The following TMTC2 variants were observed in gnomAD, a reference collection of about 807,000 sequenced individuals.
TMTC2 encodes protein O-mannosyl-transferase TMTC2.
Under a neutral mutation model 82.4 loss-of-function variants are expected in TMTC2, and 43 were observed. The ratio of observed to expected loss-of-function variants is 0.52; its 90% CI spans 0.41 to 0.67. The LOEUF is 0.67. Among genes scored for constraint, TMTC2 ranks in the 30% least tolerant of loss-of-function variants. TMTC2 has a pLI of 0.00. For synonymous variants in TMTC2, 408 were observed against 381.9 expected (o/e 1.07, Z -0.80); for missense variants, 919 against 1,012.4 (o/e 0.91, Z 1.25).
intron 1 of TMTC2, among the ~76,000 whole-genome samples, chr12:82,769,711 T>G (rs907314844): frequency 3.3e-5 from 5 of 152,080 alleles, no homozygotes; most frequent in African/African-American, 1.2e-4. Flanking sequence ...CCCGGGTTCA[T>G]GTGATTCTCC....
At chr12:82,796,882 TG>T (rs1397057893) in intron 1 of TMTC2, among the ~76,000 whole-genome samples, 1 of 152,118 alleles carries the variant, frequency 6.6e-6, no homozygotes, top group African/African-American at 2.4e-5. Context: ...AGCTTTAAAA[TG>T]GGGATATAAA....
intron 1 of TMTC2, among the ~76,000 whole-genome samples, chr12:82,803,493 G>A (rs1461847787): frequency 6.6e-6 from 1 of 152,150 alleles, no homozygotes; most frequent in Admixed American, 6.6e-5. Context: ...GTGCCAGGGA[G>A]AGAGGAGTTT....
At chr12:82,731,464 G>A (rs149778584) in intron 1 of TMTC2, among the ~76,000 whole-genome samples, 2 of 152,298 alleles carry the variant, frequency 1.3e-5, no homozygotes, top group East Asian at 3.9e-4. Context: ...CATAATTTAT[G>A]AGAAGTATTT....
chr12:82,866,981 C>T (rs1871899839), intron 2 of TMTC2, among the ~76,000 whole-genome samples: 1 of 152,108 alleles, frequency 6.6e-6, no homozygotes, highest in African/African-American at 2.4e-5. Flanking sequence ...TTTAAACAAT[C>T]AGATTTTGTA....
chr12:82,984,218 GA>G (rs1042820397), intron 7 of TMTC2, among the ~76,000 whole-genome samples: 2 of 151,710 alleles, frequency 1.3e-5, no homozygotes, highest in Admixed American at 6.6e-5. Context: ...AACTTTGAGG[GA>G]AAAAAATCAA....
At chr12:82,855,446 C>T (rs1871215632) in intron 1 of TMTC2, among the ~76,000 whole-genome samples, 1 of 152,190 alleles carries the variant, frequency 6.6e-6, no homozygotes, top group Non-Finnish European at 1.5e-5. Flanking sequence ...TAGAGTTGAA[C>T]ATCATTAAGA....
At chr12:82,721,776 T>G (rs2136927329) in intron 1 of TMTC2, among the ~76,000 whole-genome samples, 1 of 152,348 alleles carries the variant, frequency 6.6e-6, no homozygotes, top group Non-Finnish European at 1.5e-5. Flanking sequence ...TCTTTAATAA[T>G]ATGTGTGACT....
chr12:83,118,855 G>T (rs1884855353), intron 11 of TMTC2, among the ~76,000 whole-genome samples: 1 of 152,086 alleles, frequency 6.6e-6, no homozygotes, highest in Non-Finnish European at 1.5e-5. Flanking sequence ...TCTGTTCAGG[G>T]TGTCTAATTC....
chr12:83,120,813 C>T (rs995018226), intron 11 of TMTC2, among the ~76,000 whole-genome samples: 2 of 152,172 alleles, frequency 1.3e-5, no homozygotes, highest in African/African-American at 4.8e-5. Context: ...GGCTGTTTAC[C>T]ATAATCCCAG....
chr12:82,871,774 T>C (rs1309566713), intron 2 of TMTC2, among the ~76,000 whole-genome samples: 1 of 140,884 alleles, frequency 7.1e-6, no homozygotes, highest in Non-Finnish European at 1.5e-5. Context: ...TCGGTGTCCA[T>C]TTTTTTTTCT....
intron 1 of TMTC2, among the ~76,000 whole-genome samples, chr12:82,721,691 A>G (rs571839913): frequency 6.6e-6 from 1 of 152,350 alleles, no homozygotes; most frequent in East Asian, 1.9e-4. Context: ...AGGCAAAAAT[A>G]GAGATTAAAA....
chr12:82,889,911 A>C (rs1210901716), intron 2 of TMTC2, among the ~76,000 whole-genome samples: 1 of 151,934 alleles, frequency 6.6e-6, no homozygotes. Context: ...TTTTTCTTTT[A>C]TAAACAATGC....
Position 82,987,340 on chromosome 12 carries a change from C to T in TMTC2, c.2070+1294C>T, listed in dbSNP as rs1406136524. The stretch of plus-strand genomic sequence containing the variant: ...TCAGGTGGCTGAGGCAGGAAAATCG[C>T]TTGAACCCAGAAGGCCAAGGTTGCG... On this transcript the variant is annotated intron_variant, in intron 8 of 11. Transcript: ENST00000321196. 2.2e-5 allele frequency among the ~76,000 whole-genome samples: 3 copies of T among 138,540 alleles called. No homozygotes were observed. The East Asian group carries it at 6.7e-4, about 31-fold the overall frequency. The allele number at this position is 138,540 out of a possible 152,430, so 90.9% of individuals were successfully genotyped here.
chr12:82,996,463 T>C (rs1158627832), intron 8 of TMTC2, among the ~76,000 whole-genome samples: 1 of 152,214 alleles, frequency 6.6e-6, no homozygotes, highest in African/African-American at 2.4e-5. Context: ...AGGCTTAAAA[T>C]TGCAGGACTC....
intron 7 of TMTC2, among the ~76,000 whole-genome samples, chr12:82,973,174 T>C (rs1490216780): frequency 1.3e-5 from 2 of 152,170 alleles, no homozygotes; most frequent in Non-Finnish European, 2.9e-5. Flanking sequence ...GTTCTGGCGA[T>C]TTTCCTATGA....
At chr12:82,743,441 C>T (rs1393051075) in intron 1 of TMTC2, among the ~76,000 whole-genome samples, 7 of 141,486 alleles carry the variant, frequency 4.9e-5, no homozygotes, top group Non-Finnish European at 7.6e-5. Flanking sequence ...AGCGAGACTC[C>T]GTCTCAAAAA....
intron 11 of TMTC2, among the ~76,000 whole-genome samples, chr12:83,105,333 C>T (rs1280361004): frequency 6.6e-6 from 1 of 152,114 alleles, no homozygotes; most frequent in East Asian, 1.9e-4. Flanking sequence ...TCCTTATTAC[C>T]AATTTTCTGT....
intron 1 of TMTC2, among the ~76,000 whole-genome samples, chr12:82,854,451 G>T (rs1871147823): frequency 6.6e-6 from 1 of 152,098 alleles, no homozygotes; most frequent in African/African-American, 2.4e-5. Flanking sequence ...GCTCCACTCA[G>T]CAGGAAGGAG....
intron 1 of TMTC2, among the ~76,000 whole-genome samples, chr12:82,741,862 G>A (rs117290960): frequency 2.6e-5 from 4 of 152,204 alleles, no homozygotes; most frequent in Non-Finnish European, 5.9e-5. Context: ...GGAGTCCTTG[G>A]GATTCTTATT....
Sources: gnomAD v4.1 joint callset for allele counts (sites outside exome capture counted in the v4.1 genomes callset) on GRCh38, gnomAD v4.1.1 for gene constraint, MANE v1.5 for transcripts, NCBI Gene and HGNC (gene_info 2026-07-23, HGNC 2026-07-21) for gene names.